RRAGB: variants seen among roughly 807,000 people sequenced by gnomAD.
RRAGB encodes ras-related GTP-binding protein B.
In RRAGB, 6 loss-of-function variants were observed where a neutral mutation model predicts 29.3. That is an observed-to-expected ratio of 0.21 (90% CI 0.11 to 0.40). The LOEUF (loss-of-function observed/expected upper bound fraction) is 0.40, where lower values mean the gene tolerates loss of function less well. Ranked by LOEUF, RRAGB falls within the 10% of genes least tolerant of loss-of-function variation. The probability of loss-of-function intolerance (pLI) is 1.00; values close to 1 mark genes in which losing one functional copy is unlikely to be tolerated. For missense variants in RRAGB, 184 were observed against 272.9 expected (o/e 0.67, Z 2.29); for synonymous variants, 101 against 92.5 (o/e 1.09, Z -0.53).
chrX:55,733,289 T>G lies in RRAGB; in HGVS notation c.516+1703T>G, dbSNP rs1027965883. Among the ~76,000 whole-genome samples the G allele has an allele frequency of 4.5e-5, 5 of 112,279 alleles. No homozygotes were observed. In the South Asian group the frequency reaches 1.1e-3, roughly 25 times the overall value. On this transcript the variant is annotated intron_variant, in intron 5 of 9. Coordinates refer to ENST00000374941, the MANE Select transcript of RRAGB (RefSeq NM_006064.5). ...TTCCTTTTTTCAGTTTGGATCCCCT[T>G]TATTTCTTTCTCATGCCTAATTACT...
chrX:55,730,291 A>T (rs944030245), intron 4 of RRAGB, among the ~76,000 whole-genome samples: 1 of 112,319 alleles, frequency 8.9e-6, no homozygotes, highest in Admixed American at 9.4e-5. Flanking sequence ...ATCACTTAAC[A>T]TCCTAGCACA....
chrX:55,753,530 T>C lies in RRAGB; in HGVS notation c.735+16T>C, dbSNP rs780553459. 3.0e-5 allele frequency: 35 copies of C among 1,177,153 alleles called. No individual in the cohort carries two copies. Among genetic ancestry groups the C allele is most frequent in the Admixed American group, 1.1e-4 (5 of 45,638 alleles). On this transcript the variant is annotated intron_variant, in intron 7 of 9. Transcript: ENST00000374941. The stretch of plus-strand genomic sequence containing the variant: ...TACTTTTCTGGTAAGAACTTTCTGC[T>C]TTGCAGATGTACTTCACACTGTACG...
intron 2 of RRAGB, among the ~76,000 whole-genome samples, chrX:55,719,634 G>A (rs2033187933): frequency 8.9e-6 from 1 of 111,974 alleles, no homozygotes; most frequent in Non-Finnish European, 1.9e-5. Flanking sequence ...CAAACCCTGT[G>A]CCACACTTAT....
In RRAGB at chrX:55,722,059, C is replaced by T. The variant is rs746135872; in HGVS notation, c.127-127C>T. The T allele has an allele frequency of 1.4e-4, 53 of 392,043 alleles. No individual in the cohort carries two copies. In the South Asian group the frequency reaches 2.5e-3, roughly 18 times the overall value. The allele number at this position is 392,043 out of a possible 1,213,427, so 32.3% of individuals were successfully genotyped here. On this transcript the variant is annotated intron_variant, in intron 2 of 9. Transcript: ENST00000374941. ...AAGAGTTTAGTTAGTTGTGAGTATGCGCACCAGGTTGTTGGTACTGTCAGT... is the reference window on the plus strand; with the variant it reads ...AAGAGTTTAGTTAGTTGTGAGTATGTGCACCAGGTTGTTGGTACTGTCAGT...
intron 8 of RRAGB, 33 bp downstream of exon 8, chrX:55,755,965 T>G: frequency 2.0e-6 from 2 of 1,004,537 alleles, no homozygotes; most frequent in Non-Finnish European, 2.8e-6. Context: ...TCTGTTTATC[T>G]CTTGAAAAAA....
intron 2 of RRAGB, among the ~76,000 whole-genome samples, chrX:55,720,803 G>A (rs58742109): frequency 0.031 from 3,413 of 111,044 alleles, 149 homozygotes; most frequent in African/African-American, 0.11. Flanking sequence ...ACTTGAACCC[G>A]GGAGGCGGAG....
At chrX:55,748,330 T>G (rs2034334135) in intron 5 of RRAGB, among the ~76,000 whole-genome samples, 1 of 102,498 alleles carries the variant, frequency 9.8e-6, no homozygotes, top group South Asian at 4.4e-4. Context: ...TGGCCACCTA[T>G]CCTCTGGGAT....
chrX:55,749,432 G>A (rs1230846738), intron 5 of RRAGB, among the ~76,000 whole-genome samples: 1 of 106,258 alleles, frequency 9.4e-6, no homozygotes, highest in Admixed American at 9.6e-5. Flanking sequence ...CCCCCCGCCC[G>A]GCCAGCTGCC....
chrX:55,751,233 C>T (rs777059944), intron 6 of RRAGB, 37 bp downstream of exon 6: 1 of 763,040 alleles, frequency 1.3e-6, no homozygotes, highest in Admixed American at 3.0e-5. Context: ...ATTTTAAGAG[C>T]ATGAAAAAAA....
Position 55,729,279 on chromosome X carries a change from A to G in RRAGB, c.227-15A>G, listed in dbSNP as rs746876257. On this transcript the variant is annotated splice_polypyrimidine_tract_variant and intron_variant, in intron 3 of 9. Coordinates refer to ENST00000374941, the MANE Select transcript of RRAGB (RefSeq NM_006064.5). ...ACCTGTTATAATTACTAGATTTGTC[A>G]TATTTGTCTTCCAGTTGATGTAGAA... 1 of 1,138,965 alleles carries G rather than the reference A, an allele frequency of 8.8e-7. No individual in the cohort carries two copies. The highest frequency in any genetic ancestry group is 1.8e-5 in the South Asian group (1 of 54,584). 93.9% of individuals were successfully genotyped at this position (1,138,965 alleles called of 1,213,427 possible). A position where few individuals can be genotyped will look rare whatever the true frequency, so the allele number is the denominator to read the frequency against.
intron 5 of RRAGB, among the ~76,000 whole-genome samples, chrX:55,740,578 A>G (rs1305693480): frequency 1.8e-5 from 2 of 111,541 alleles, no homozygotes; most frequent in East Asian, 5.6e-4. Context: ...TTGAAGTGGT[A>G]GTTGGTTGGC....
chrX:55,722,416 T>C (rs1173786679), intron 3 of RRAGB, 131 bp downstream of exon 3: 1 of 393,655 alleles, frequency 2.5e-6, no homozygotes, highest in Non-Finnish European at 4.4e-6. Context: ...TTACCCTTTT[T>C]GCATTCGTTT....
In RRAGB at chrX:55,731,577, A is replaced by G. The variant is rs749339263; in HGVS notation, c.507A>G (p.Gln169=). The G allele has an allele frequency of 1.7e-5, 20 of 1,181,310 alleles. No homozygotes were observed. Among genetic ancestry groups the G allele is most frequent in the Admixed American group, 2.3e-5 (1 of 44,280 alleles). Residue 169 remains glutamine (Q), a synonymous_variant, in exon 5 of 10, where the codon CAA becomes CAG. Coordinates refer to ENST00000374941, the MANE Select transcript of RRAGB (RefSeq NM_006064.5). The part of the protein sequence containing the change: ...VHKMDLVQED[Q]RDLIFKEREE... Reference sequence around the variant, plus strand: ...AAATGGATCTGGTACAGGAGGATCAACGGGACCTGGTAAGAAACAGAAGAA... The same window carrying G: ...AAATGGATCTGGTACAGGAGGATCAGCGGGACCTGGTAAGAAACAGAAGAA...
chrX:55,749,843 C>T (rs960897757), intron 5 of RRAGB, among the ~76,000 whole-genome samples: 2 of 107,216 alleles, frequency 1.9e-5, no homozygotes, highest in East Asian at 3.0e-4. Context: ...GCAGCATGCT[C>T]GTTAAGAGTC....
intron 5 of RRAGB, among the ~76,000 whole-genome samples, chrX:55,748,275 C>T (rs2034328223): frequency 8.9e-6 from 1 of 112,676 alleles, no homozygotes; most frequent in Non-Finnish European, 1.9e-5. Context: ...ATTGCAGCCT[C>T]TGCCTGCCCG....
intron 5 of RRAGB, among the ~76,000 whole-genome samples, chrX:55,741,845 G>A (rs1238578666): frequency 8.9e-6 from 1 of 112,144 alleles, no homozygotes; most frequent in Non-Finnish European, 1.9e-5. Flanking sequence ...CTAAATGTCA[G>A]GATACTGTGG....
chrX:55,757,699 A>T (rs73216652), intron 9 of RRAGB, among the ~76,000 whole-genome samples: 2 of 112,126 alleles, frequency 1.8e-5, no homozygotes, highest in Non-Finnish European at 3.8e-5. Flanking sequence ...ACCCAAATAC[A>T]TGATTTATGC....
intron 7 of RRAGB, among the ~76,000 whole-genome samples, chrX:55,754,911 G>A (rs1569257239): frequency 8.9e-6 from 1 of 111,848 alleles, no homozygotes; most frequent in Non-Finnish European, 1.9e-5. Context: ...GTAACAATGA[G>A]CAAGAAAGCT....
intron 5 of RRAGB, among the ~76,000 whole-genome samples, chrX:55,748,707 GC>G (rs1440886561): frequency 1.2e-4 from 13 of 111,578 alleles, no homozygotes; most frequent in African/African-American, 2.9e-4. Context: ...GAGCGTCTCC[GC>G]CCGGCAGCCA....
Sources: gnomAD v4.1 joint callset for allele counts (sites outside exome capture counted in the v4.1 genomes callset) on GRCh38, gnomAD v4.1.1 for gene constraint, MANE v1.5 for transcripts, NCBI Gene and HGNC (gene_info 2026-07-23, HGNC 2026-07-21) for gene names.